TBC1D9B: variants seen among roughly 807,000 people sequenced by gnomAD.
TBC1D9B encodes the protein TBC1 domain family member 9B.
Under a neutral mutation model 121.1 loss-of-function variants are expected in TBC1D9B, and 87 were observed. The observed-to-expected ratio is 0.72, with a 90% CI of 0.60 to 0.86. The LOEUF (loss-of-function observed/expected upper bound fraction) is 0.86. TBC1D9B is among the 40% of genes least tolerant of loss of function. The probability of loss-of-function intolerance (pLI) is 0.00; values close to 1 mark genes in which losing one functional copy is unlikely to be tolerated. For missense variants in TBC1D9B, 1,540 were observed against 1,628.6 expected (o/e 0.95, Z 0.94); for synonymous variants, 668 against 670.1 (o/e 1.00, Z 0.05).
At chr5:179,881,490 C>T (rs1760539689) in intron 7 of TBC1D9B, among the ~76,000 whole-genome samples, 1 of 152,210 alleles carries the variant, frequency 6.6e-6, no homozygotes, top group Non-Finnish European at 1.5e-5. Context: ...AAAGCCCACC[C>T]TCACTTTGGC....
chr5:179,870,515 G>A lies in TBC1D9B; in HGVS notation c.2485-20C>T, dbSNP rs116593207. 2 of 1,594,430 alleles carry A rather than the reference G, an allele frequency of 1.3e-6. No homozygotes were observed. Among genetic ancestry groups the A allele is most frequent in the African/African-American group, 2.7e-5 (2 of 74,822 alleles). ...CTTGGCCTGTGGGACACGGTCTGGT[G>A]AGACGGTCCAGCCGCTAAGCCTGTG... On this transcript the variant is annotated intron_variant, in intron 15 of 20. Transcript: ENST00000355235.
intron 7 of TBC1D9B, 78 bp from the exon 8 acceptor site, chr5:179,879,867 G>A (rs2113621150): frequency 1.4e-6 from 2 of 1,464,682 alleles, no homozygotes; most frequent in East Asian, 2.4e-5. Flanking sequence ...TCCATCCAGA[G>A]CTGGATCGGG....
At chr5:179,896,206 T>C (rs1761014245) in intron 3 of TBC1D9B, among the ~76,000 whole-genome samples, 1 of 152,216 alleles carries the variant, frequency 6.6e-6, no homozygotes, top group Admixed American at 6.5e-5. Context: ...AACTTTTGAG[T>C]CACCTATCCA....
intron 7 of TBC1D9B, chr5:179,887,881 G>C: frequency 1.6e-6 from 1 of 614,256 alleles, no homozygotes; most frequent in Non-Finnish European, 2.9e-6. Context: ...GGCCCAGCAG[G>C]AGTGAGGAGT....
chr5:179,904,712 T>C lies in TBC1D9B; in HGVS notation c.219A>G (p.Thr73=). The change falls in exon 2 of 21, where the codon ACA becomes ACG. Residue 73 remains threonine, a synonymous_variant. Coordinates refer to ENST00000355235, the MANE Select transcript of TBC1D9B (RefSeq NM_015043.4). The surrounding 1 kb of genome is among the most constrained non-coding windows in gnomAD (Gnocchi z 4.2). ...HQTQDSQVYW[T]VACGSSRKEI... Reference sequence around the variant, plus strand: ...ACTCAGGGCACCTACCACACGCCACTGTCCAGTAGACCTGGGAGTCCTGGG... The same window carrying C: ...ACTCAGGGCACCTACCACACGCCACCGTCCAGTAGACCTGGGAGTCCTGGG... 2 of 1,569,886 alleles carry C rather than the reference T, an allele frequency of 1.3e-6. No individual in the cohort carries two copies. The highest frequency in any genetic ancestry group is 1.7e-6 in the Non-Finnish European group (2 of 1,157,680).
At chr5:179,905,458 G>C (rs1385094436) in intron 1 of TBC1D9B, among the ~76,000 whole-genome samples, 2 of 152,208 alleles carry the variant, frequency 1.3e-5, no homozygotes, top group African/African-American at 4.8e-5. Context: ...CATAACTGAA[G>C]AAGTCGATCT....
Position 179,869,096 on chromosome 5 carries a change from C to T in TBC1D9B, c.2791+673G>A, listed in dbSNP as rs184521252. 2.0e-3 allele frequency: 324 copies of T among 164,086 alleles called. 3 individuals are homozygous for T. Among genetic ancestry groups the T allele is most frequent in the Middle Eastern group, 0.012 (4 of 336 alleles). The allele number at this position is 164,086 out of a possible 1,614,324, so 10.2% of individuals were successfully genotyped here. A position where few individuals can be genotyped will look rare whatever the true frequency, so the allele number is the denominator to read the frequency against. ...GCTCAGCCCCAGTATTCTAAACATCCCCGGGGTCGGTTCTGAGGGCAGCTG... is the reference window on the plus strand; with the variant it reads ...GCTCAGCCCCAGTATTCTAAACATCTCCGGGGTCGGTTCTGAGGGCAGCTG... On this transcript the variant is annotated intron_variant, in intron 17 of 20. Coordinates refer to ENST00000355235, the MANE Select transcript of TBC1D9B (RefSeq NM_015043.4).
chr5:179,879,357 C>G, intron 8 of TBC1D9B, 160 bp from the exon 9 acceptor site: 1 of 1,213,476 alleles, frequency 8.2e-7, no homozygotes, highest in Non-Finnish European at 1.1e-6. Flanking sequence ...CTGAGCCACA[C>G]CTCCCAAGGC....
At chr5:179,877,514 A>ATT (rs1760392226) in intron 10 of TBC1D9B, among the ~76,000 whole-genome samples, 1 of 151,896 alleles carries the variant, frequency 6.6e-6, no homozygotes, top group Admixed American at 6.6e-5. Context: ...AATACAAAAC[A>ATT]TTAACTGGGC....
Position 179,865,976 on chromosome 5 carries a change from T to A in TBC1D9B, c.2864-88A>T, listed in dbSNP as rs775476276. On this transcript the variant is annotated intron_variant, in intron 18 of 20. Transcript: ENST00000355235. This position sits in a 1 kb window ranked among gnomAD's most constrained non-coding sequence, Gnocchi z 5.1. ...TGGGGTCCTTGAGATGTAGTCTGTG[T>A]TTCTGTACAGCCAGCCCCAGGCCAG... The A allele has an allele frequency of 2.0e-6, 3 of 1,531,674 alleles. No individual in the cohort carries two copies. The highest frequency in any genetic ancestry group is 2.3e-5 in the South Asian group (2 of 88,874). 94.9% of individuals were successfully genotyped at this position (1,531,674 alleles called of 1,614,324 possible).
intron 6 of TBC1D9B, among the ~76,000 whole-genome samples, chr5:179,889,687 CATG>C (rs1419601499): frequency 1.3e-5 from 2 of 151,768 alleles, no homozygotes; most frequent in African/African-American, 4.8e-5. Flanking sequence ...GCCTGGGCAA[CATG>C]ATGAATCCCT....
At position 179,904,264 on chromosome 5, in the gene TBC1D9B, G is replaced by A. The variant is rs540246715; in HGVS notation, c.229+438C>T. On this transcript the variant is annotated intron_variant, in intron 2 of 20. Transcript: ENST00000355235. The surrounding 1 kb of genome is among the most constrained non-coding windows in gnomAD (Gnocchi z 4.2). ...TTTTGAGACGGAATCTCGCTGTGTC[G>A]CCCAGGCTGGAGTGCAGTGGCGCGA... Among the ~76,000 whole-genome samples the A allele has an allele frequency of 2.1e-3, 278 of 131,544 alleles. No homozygotes were observed. The highest frequency in any genetic ancestry group is 7.8e-3 in the African/African-American group (257 of 32,758). 86.3% of individuals were successfully genotyped at this position (131,544 alleles called of 152,430 possible). A position where few individuals can be genotyped will look rare whatever the true frequency, so the allele number is the denominator to read the frequency against.
At chr5:179,879,560 T>A (rs1760468747) in intron 8 of TBC1D9B, 68 bp downstream of exon 8, 1 of 1,610,310 alleles carries the variant, frequency 6.2e-7, no homozygotes, top group African/African-American at 1.3e-5. Flanking sequence ...GGCCCAGGAC[T>A]GGCTCCAGCT....
Position 179,873,232 on chromosome 5 carries a change from C to G in TBC1D9B, c.2203G>C (p.Val735Leu). Reference protein sequence around the residue: ...TMLGRYLDNVVNKQSVSPPIP... With the variant: ...TMLGRYLDNVLNKQSVSPPIP... ...GGAGGAGAGACACTCTGCTTGTTGA[C>G]CACATTATCCAGGTATCTGCAAAGG... The change falls in exon 13 of 21, where the codon GTC becomes CTC. Residue 735 changes from valine (V) to leucine (L), a missense_variant. By Grantham distance (32) the Val-to-Leu change is conservative. Coordinates refer to ENST00000355235, the MANE Select transcript of TBC1D9B (RefSeq NM_015043.4). 6.2e-7 allele frequency: 1 copy of G among 1,609,710 alleles called. No individual in the cohort carries two copies. Among genetic ancestry groups the G allele is most frequent in the Non-Finnish European group, 8.5e-7 (1 of 1,177,914 alleles).
At position 179,875,672 on chromosome 5, in the gene TBC1D9B, C is replaced by T. The variant is rs1158151362; in HGVS notation, c.1900+248G>A. On this transcript the variant is annotated intron_variant, in intron 11 of 20. Coordinates refer to ENST00000355235, the MANE Select transcript of TBC1D9B (RefSeq NM_015043.4). The surrounding 1 kb of genome is among the most constrained non-coding windows in gnomAD (Gnocchi z 4.5). ...TTCAGTAAAGTTGAGCATCAGGTTA[C>T]ATGGGGGATATATACTCTCTAGTTT... Among the ~76,000 whole-genome samples the T allele has an allele frequency of 6.6e-6, 1 of 152,224 alleles. No individual in the cohort carries two copies. Among genetic ancestry groups the T allele is most frequent in the Non-Finnish European group, 1.5e-5 (1 of 68,050 alleles).
At position 179,865,797 on chromosome 5, in the gene TBC1D9B, C is replaced by T. The variant is rs185832645; in HGVS notation, c.2914+41G>A. The T allele has an allele frequency of 1.3e-5, 20 of 1,561,652 alleles. No homozygotes were observed. The highest frequency in any genetic ancestry group is 6.8e-5 in the African/African-American group (5 of 73,610). ...AGACCAGCAAGCAAGGGTGCCTCAA[C>T]GCTGGGGTCTCTAAGAACAGCGGCA... is the stretch of plus-strand genomic sequence containing the variant. On this transcript the variant is annotated intron_variant, in intron 19 of 20. Transcript: ENST00000355235. This position sits in a 1 kb window ranked among gnomAD's most constrained non-coding sequence, Gnocchi z 5.1.
In TBC1D9B at chr5:179,885,267, T is replaced by C. The variant is rs1394818525; in HGVS notation, c.1254+2836A>G. On this transcript the variant is annotated intron_variant, in intron 7 of 20. Transcript: ENST00000355235. The surrounding 1 kb of genome is among the most constrained non-coding windows in gnomAD (Gnocchi z 4.5). ...TTGACTTAATCCAATATATCCAAAA[T>C]ACTCGCATTTCAACAGGAATCAATT... Among the ~76,000 whole-genome samples the C allele has an allele frequency of 6.6e-6, 1 of 152,172 alleles. No individual in the cohort carries two copies. Among genetic ancestry groups the C allele is most frequent in the Non-Finnish European group, 1.5e-5 (1 of 68,034 alleles).
At chr5:179,889,540 G>A (rs1175606375) in intron 6 of TBC1D9B, among the ~76,000 whole-genome samples, 1 of 151,898 alleles carries the variant, frequency 6.6e-6, no homozygotes. Flanking sequence ...CTGACATTTC[G>A]AATTTTGCTG....
intron 3 of TBC1D9B, among the ~76,000 whole-genome samples, chr5:179,895,990 T>C (rs759186992): frequency 4.6e-5 from 7 of 152,244 alleles, no homozygotes; most frequent in Admixed American, 1.3e-4. Flanking sequence ...TTCTCCTTTA[T>C]TGGAGACAAT....
Sources: gnomAD v4.1 joint callset for allele counts (sites outside exome capture counted in the v4.1 genomes callset) on GRCh38, gnomAD v4.1.1 for gene constraint, Gnocchi (gnomAD v3.1) non-coding constraint, MANE v1.5 for transcripts, NCBI Gene and HGNC (gene_info 2026-07-23, HGNC 2026-07-21) for gene names.